Variants in HAL observed in about 807,000 individuals in gnomAD.
HAL encodes the protein histidase.
A neutral mutation model predicts 81.1 loss-of-function variants in HAL; 85 were observed. That is an observed-to-expected ratio of 1.05 (90% CI 0.88 to 1.25). The LOEUF (loss-of-function observed/expected upper bound fraction) is 1.25, where lower values mean the gene tolerates loss of function less well. Ranked by LOEUF, HAL falls within the 50% of genes most tolerant of loss-of-function variation. The pLI is 0.00. For missense variants in HAL, 798 were observed against 836.6 expected, an observed-to-expected ratio of 0.95 and a Z score of 0.57; for synonymous variants, 301 against 309.2, an observed-to-expected ratio of 0.97 and a Z score of 0.28.
rs578056615 is a variant in HAL, at chr12:95,995,760, C to T, written c.151G>A (p.Ala51Thr). 4 of 1,613,732 alleles carry T rather than the reference C, an allele frequency of 2.5e-6. No homozygotes were observed. In the East Asian group the frequency reaches 6.7e-5, roughly 27 times the overall value. Residue 51 changes from alanine (A) to threonine (T), a missense_variant, in exon 2 of 21, where the codon GCG (alanine) becomes ACG (threonine). Transcript: ENST00000261208. ...TTGCACCGGCGCACAAGGAAGTGCG[C>T]GTCATCCACGGAGGTGAAGCCACCA... Reference protein sequence around the residue: ...DNGGFTSVDDAHFLVRRCKGL... With the variant: ...DNGGFTSVDDTHFLVRRCKGL...
At chr12:95,983,758 G>A in intron 15 of HAL, 153 bp downstream of exon 15, 1 of 665,256 alleles carries the variant, frequency 1.5e-6, no homozygotes, top group Non-Finnish European at 2.7e-6. Context: ...CCTGGAGAAA[G>A]TCAGTTAACC....
intron 18 of HAL, among the ~76,000 whole-genome samples, chr12:95,977,121 T>C (rs1208132367): frequency 1.3e-5 from 2 of 152,160 alleles, no homozygotes; most frequent in African/African-American, 4.8e-5. Context: ...ATTAAATAAT[T>C]GTATGCATTT....
chr12:95,996,246 C>A lies in HAL; in HGVS notation c.-250G>T. The A allele has an allele frequency of 5.9e-6, 2 of 339,134 alleles. No homozygotes were observed. Among genetic ancestry groups the A allele is most frequent in the Non-Finnish European group, 1.1e-5 (2 of 176,166 alleles). The allele number at this position is 339,134 out of a possible 1,614,324, so 21.0% of individuals were successfully genotyped here. Reference sequence around the variant, plus strand: ...ATGGCACCTACCTGCTGCTGGCCCCCTTTCTTCAGGGTCCCCAATTTCTCT... The same window carrying A: ...ATGGCACCTACCTGCTGCTGGCCCCATTTCTTCAGGGTCCCCAATTTCTCT... On this transcript the variant is annotated 5_prime_UTR_variant, in exon 1 of 21. In the 5' UTR this introduces an upstream ATG that the reference lacks. Coordinates refer to ENST00000261208, the MANE Select transcript of HAL (RefSeq NM_002108.4).
chr12:95,976,607 G>T lies in HAL; in HGVS notation c.1754C>A (p.Ser585Tyr). 6.2e-7 allele frequency: 1 copy of T among 1,605,656 alleles called. No individual in the cohort carries two copies. The highest frequency in any genetic ancestry group is 8.5e-7 in the Non-Finnish European group (1 of 1,172,240). ...ACCTGTTTGATCTTACCTTACAACA[G>T]AGCGCACCAGGTCATAGACCTTCTC... ...PLEKVYDLVR[S>Y]VVRPWIKDRF... is the part of the protein sequence containing the mutation. Residue 585 changes from serine to tyrosine, a missense_variant, in exon 19 of 21, where the codon TCT becomes TAT. Transcript: ENST00000261208.
Position 95,980,551 on chromosome 12 carries a change from C to T in HAL, c.1519+5G>A, listed in dbSNP as rs1198834361. 11 of 1,612,760 alleles carry T rather than the reference C, an allele frequency of 6.8e-6. No homozygotes were observed. The highest frequency in any genetic ancestry group is 8.5e-6 in the Non-Finnish European group (10 of 1,179,804). On this transcript the variant is annotated splice_donor_5th_base_variant and intron_variant, in intron 17 of 20. Coordinates refer to ENST00000261208, the MANE Select transcript of HAL (RefSeq NM_002108.4). ...TGTGTTCTGGGAAAGGGGCAGTGTCCTTACCAAGGGCTGCTGCCGTGCAGT... is the reference window on the plus strand; with the variant it reads ...TGTGTTCTGGGAAAGGGGCAGTGTCTTTACCAAGGGCTGCTGCCGTGCAGT...
chr12:95,995,629 G>A (rs1487112086), intron 2 of HAL, 35 bp downstream of exon 2: 1 of 1,610,568 alleles, frequency 6.2e-7, no homozygotes, highest in African/African-American at 1.3e-5. Flanking sequence ...AGGCCAAACC[G>A]CACCCGTTCG....
chr12:95,988,099 A>C lies in HAL; in HGVS notation c.903+94T>G, dbSNP rs112827172. The stretch of plus-strand genomic sequence containing the variant: ...AACTTTAAGCAAACATGCAAGTTGC[A>C]TTTAAGGAATGATTGAGGCTGAGAT... On this transcript the variant is annotated intron_variant, in intron 11 of 20. Transcript: ENST00000261208. 3.6e-4 allele frequency: 275 copies of C among 768,990 alleles called. 2 individuals carry two copies. The African/African-American group carries it at 3.9e-3, about 11-fold the overall frequency. The allele number at this position is 768,990 out of a possible 1,614,324, so 47.6% of individuals were successfully genotyped here. A position where few individuals can be genotyped will look rare whatever the true frequency, so the allele number is the denominator to read the frequency against.
intron 10 of HAL, among the ~76,000 whole-genome samples, chr12:95,989,261 C>A (rs1949938935): frequency 6.6e-6 from 1 of 152,248 alleles, no homozygotes; most frequent in Admixed American, 6.5e-5. Context: ...TCCTAGCTCA[C>A]TGCAGCCTTG....
intron 12 of HAL, 65 bp from the exon 13 acceptor site, chr12:95,986,225 G>T: frequency 1.1e-6 from 1 of 932,710 alleles, no homozygotes; most frequent in Non-Finnish European, 1.7e-6. Flanking sequence ...AAAGATGGGG[G>T]TCTCACTACG....
Position 95,994,976 on chromosome 12 carries a change from T to C in HAL, c.265A>G (p.Met89Val). The change falls in exon 3 of 21, where the codon ATG (methionine) becomes GTG (valine). Residue 89 changes from methionine to valine, a missense_variant. Physicochemically the swap from Met to Val is conservative, Grantham distance 21. Transcript: ENST00000261208. ...TGAGATGGAATGAAGTCAGGAGACATGGCATCACCCTCTATAACTAAAACA... is the reference window on the plus strand; with the variant it reads ...TGAGATGGAATGAAGTCAGGAGACACGGCATCACCCTCTATAACTAAAACA... The part of the protein sequence containing the change: ...FVEVVIEGDA[M>V]SPDFIPSQPE... 1 of 1,611,416 alleles carries C rather than the reference T, an allele frequency of 6.2e-7. No homozygotes were observed. Among genetic ancestry groups the C allele is most frequent in the Non-Finnish European group, 8.5e-7 (1 of 1,177,602 alleles).
At chr12:95,987,270 C>A in intron 11 of HAL, 56 bp from the exon 12 acceptor site, 1 of 1,447,306 alleles carries the variant, frequency 6.9e-7, no homozygotes, top group Non-Finnish European at 9.7e-7. Flanking sequence ...AACCTACATA[C>A]CCGTGGATTT....
Position 95,995,811 on chromosome 12 carries a change from G to T in HAL, c.100C>A (p.Arg34Ser). 1 of 1,612,614 alleles carries T rather than the reference G, an allele frequency of 6.2e-7. No homozygotes were observed. The change falls in exon 2 of 21, where the codon CGC becomes AGC. Residue 34 changes from arginine to serine, a missense_variant. By Grantham distance (110) the Arg-to-Ser change is moderately radical. Coordinates refer to ENST00000261208, the MANE Select transcript of HAL (RefSeq NM_002108.4). ...VGWLGREAVR[R>S]YIKNKPDNGG... Reference sequence around the variant, plus strand: ...TTGTCGGGCTTATTCTTGATATAGCGCCTCACGGCCTCCCGGCCCAGCCAG... The same window carrying T: ...TTGTCGGGCTTATTCTTGATATAGCTCCTCACGGCCTCCCGGCCCAGCCAG...
rs2080666858 is a variant in HAL, at chr12:95,972,676, A to AC, written c.*1555_*1556insG. The AC allele has an allele frequency of 6.6e-6, 1 of 152,248 alleles. No individual in the cohort carries two copies. Among genetic ancestry groups the AC allele is most frequent in the African/African-American group, 2.4e-5 (1 of 41,466 alleles). The allele number at this position is 152,248 out of a possible 1,614,324, so 9.4% of individuals were successfully genotyped here. On this transcript the variant is annotated 3_prime_UTR_variant, in exon 21 of 21. Transcript: ENST00000261208. ...CGACACCATAAGGCAATTGAGACTT[A>AC]GTTTATTCCATGTTTCCCTTGAAGT...
intron 2 of HAL, 69 bp from the exon 3 acceptor site, chr12:95,995,062 G>T: frequency 8.5e-7 from 1 of 1,183,058 alleles, no homozygotes; most frequent in South Asian, 1.2e-5. Context: ...TTAAACCAAG[G>T]AACGGCCCAT....
Position 95,986,080 on chromosome 12 carries a change from G to A in HAL, c.1132C>T (p.Pro378Ser), listed in dbSNP as rs780744750. The change falls in exon 13 of 21, where the codon CCA (proline) becomes TCA (serine). Residue 378 changes from proline to serine, a missense_variant. Physicochemically the swap from Pro to Ser is moderately conservative, Grantham distance 74. Transcript: ENST00000261208. ...FRSLLDSDHH[P>S]SEIAESHRFC... The stretch of plus-strand genomic sequence containing the variant: ...ATGGTCAGACCTGCTATTTCTGATG[G>A]GTGGTGATCTGAGTCCAAGAGTGAC... The A allele has an allele frequency of 3.7e-6, 6 of 1,610,508 alleles. No individual in the cohort carries two copies. The East Asian group carries it at 1.3e-4, about 36-fold the overall frequency.
At chr12:95,994,692 C>T (rs1950011225) in intron 4 of HAL, 106 bp downstream of exon 4, 1 of 1,134,476 alleles carries the variant, frequency 8.8e-7, no homozygotes, top group South Asian at 1.2e-5. Context: ...TCCCGGCCAG[C>T]CCTGTTCTAA....
At chr12:95,982,805 A>G (rs1208002780) in intron 15 of HAL, among the ~76,000 whole-genome samples, 2 of 152,230 alleles carry the variant, frequency 1.3e-5, no homozygotes, top group African/African-American at 4.8e-5. Context: ...TCTAGGATTC[A>G]GAACTGAGGC....
chr12:95,983,914 A>G lies in HAL; in HGVS notation c.1284T>C (p.Asn428=). 6.7e-7 allele frequency: 1 copy of G among 1,492,704 alleles called. No individual in the cohort carries two copies. The highest frequency in any genetic ancestry group is 9.3e-7 in the Non-Finnish European group (1 of 1,070,328). The allele number at this position is 1,492,704 out of a possible 1,614,324, so 92.5% of individuals were successfully genotyped here. A position where few individuals can be genotyped will look rare whatever the true frequency, so the allele number is the denominator to read the frequency against. The change falls in exon 15 of 21, where the codon AAT becomes AAC. Residue 428 remains asparagine, a synonymous_variant. Transcript: ENST00000261208. ...ITTELNSATD[N]PMVFANRGET... ...TTAGTATACAATCAAAAGATACAGGATTATCTGTTGCGCTGTTCAGTTCTG... is the reference window on the plus strand; with the variant it reads ...TTAGTATACAATCAAAAGATACAGGGTTATCTGTTGCGCTGTTCAGTTCTG...
chr12:95,976,459 C>T lies in HAL; in HGVS notation c.1803G>A (p.Glu601=), dbSNP rs753194299. Residue 601 remains glutamate (E), a synonymous_variant, in exon 20 of 21, where the codon GAG becomes GAA. Coordinates refer to ENST00000261208, the MANE Select transcript of HAL (RefSeq NM_002108.4). ...IKDRFMAPDI[E]AAHRLLLEQK... ...GCTCCAGGAGCAGCCTGTGGGCTGC[C>T]TCGATGTCCGGGGCCATGAAGCGAT... 3 of 1,614,096 alleles carry T rather than the reference C, an allele frequency of 1.9e-6. No homozygotes were observed. The highest frequency in any genetic ancestry group is 1.7e-5 in the Admixed American group (1 of 60,026).
Sources: allele counts gnomAD v4.1 joint callset (sites outside exome capture counted in the v4.1 genomes callset), GRCh38; gene constraint gnomAD v4.1.1; transcripts MANE v1.5; gene names NCBI Gene and HGNC (gene_info 2026-07-23, HGNC 2026-07-21).